ROBO2: variants seen among roughly 807,000 people sequenced by gnomAD.
ROBO2 encodes roundabout guidance receptor 2, also known as roundabout homolog 2.
A neutral mutation model predicts 160.8 loss-of-function variants in ROBO2; 53 were observed. The observed-to-expected ratio is 0.33, with a 90% CI of 0.26 to 0.41. The LOEUF (loss-of-function observed/expected upper bound fraction) is 0.41, where lower values mean the gene tolerates loss of function less well. ROBO2 is among the 10% of genes least tolerant of loss of function. The probability of loss-of-function intolerance (pLI) is 1.00; values close to 1 mark genes in which losing one functional copy is unlikely to be tolerated. For synonymous variants in ROBO2, 664 were observed against 611.7 expected, an observed-to-expected ratio of 1.09 and a Z score of -1.26; for missense variants, 1,577 against 1,722.4, an observed-to-expected ratio of 0.92 and a Z score of 1.49.
chr3:76,062,497 G>A (rs1304503545), intron 2 of ROBO2, among the ~76,000 whole-genome samples: 2 of 152,054 alleles, frequency 1.3e-5, no homozygotes, highest in East Asian at 3.9e-4. Flanking sequence ...TCAAATCCAA[G>A]TTTCTCCCTC....
intron 2 of ROBO2, among the ~76,000 whole-genome samples, chr3:76,918,918 G>A (rs2076491680): frequency 6.6e-6 from 1 of 151,738 alleles, no homozygotes; most frequent in African/African-American, 2.4e-5. Flanking sequence ...CTAATGATCA[G>A]TGATGTTGAG....
chr3:76,152,165 G>A (rs578040218), intron 2 of ROBO2, among the ~76,000 whole-genome samples: 2 of 152,276 alleles, frequency 1.3e-5, no homozygotes, highest in South Asian at 4.1e-4. Context: ...TGATGCCCCA[G>A]GGCTGAACTG....
chr3:77,632,533 A>T, intron 23 of ROBO2: 1 of 1,535,796 alleles, frequency 6.5e-7, no homozygotes, highest in Non-Finnish European at 8.7e-7. Context: ...TTCTAGTCAT[A>T]GATCTAGTGT....
At chr3:77,070,953 C>T (rs1274024016) in intron 1 of ROBO2, among the ~76,000 whole-genome samples, 1 of 152,108 alleles carries the variant, frequency 6.6e-6, no homozygotes, top group African/African-American at 2.4e-5. Context: ...ATTCGATATA[C>T]ACCAGGGTGT....
chr3:76,341,243 A>G (rs2074203058), intron 2 of ROBO2, among the ~76,000 whole-genome samples: 5 of 150,562 alleles, frequency 3.3e-5, no homozygotes, highest in South Asian at 4.2e-4. Context: ...ACCTGCTCAC[A>G]TCACCTTCTA....
intron 2 of ROBO2, among the ~76,000 whole-genome samples, chr3:75,949,625 G>T (rs1376742665): frequency 1.3e-5 from 2 of 151,792 alleles, no homozygotes; most frequent in African/African-American, 2.4e-5. Context: ...CATTAGTATT[G>T]GTGCCCCTGG....
intron 6 of ROBO2, among the ~76,000 whole-genome samples, chr3:77,537,099 T>TGGGGG (rs63352561): frequency 1.2e-4 from 15 of 127,816 alleles, no homozygotes; most frequent in Middle Eastern, 4.1e-3. Context: ...ACATATTTTG[T>TGGGGG]GGGGGGGGGG....
intron 1 of ROBO2, among the ~76,000 whole-genome samples, chr3:77,089,327 A>G (rs1043226274): frequency 2.6e-5 from 4 of 152,152 alleles, no homozygotes; most frequent in African/African-American, 9.7e-5. Context: ...AGGGTTTGTA[A>G]AAGGACCTCT....
intron 2 of ROBO2, among the ~76,000 whole-genome samples, chr3:76,887,149 C>A (rs1050003759): frequency 6.4e-5 from 9 of 141,602 alleles, no homozygotes; most frequent in African/African-American, 2.1e-4. Flanking sequence ...TTGTTATTTG[C>A]TTTTTAATTA....
At chr3:76,745,350 T>G (rs954949597) in intron 2 of ROBO2, among the ~76,000 whole-genome samples, 1 of 151,952 alleles carries the variant, frequency 6.6e-6, no homozygotes, top group South Asian at 2.1e-4. Context: ...CAACAGCTGG[T>G]GTGATTTCAG....
intron 2 of ROBO2, among the ~76,000 whole-genome samples, chr3:76,632,493 A>G (rs1332937699): frequency 6.6e-6 from 1 of 152,218 alleles, no homozygotes; most frequent in Non-Finnish European, 1.5e-5. Flanking sequence ...GGTAAGTTAG[A>G]GCACAATTCT....
chr3:76,578,373 A>G (rs1446751141), intron 2 of ROBO2, among the ~76,000 whole-genome samples: 2 of 152,008 alleles, frequency 1.3e-5, no homozygotes, highest in Non-Finnish European at 2.9e-5. Flanking sequence ...TTCTCAGTCG[A>G]GCTTCCCAAT....
chr3:76,878,067 A>G (rs2072948744), intron 2 of ROBO2, among the ~76,000 whole-genome samples: 1 of 152,188 alleles, frequency 6.6e-6, no homozygotes, highest in South Asian at 2.1e-4. Context: ...CAGTGGCATT[A>G]GGGATTAGAA....
chr3:77,209,472 T>C (rs1262584413), intron 2 of ROBO2, among the ~76,000 whole-genome samples: 1 of 152,168 alleles, frequency 6.6e-6, no homozygotes, highest in Non-Finnish European at 1.5e-5. Context: ...TAAACATAAT[T>C]CATTAGGCAC....
intron 2 of ROBO2, among the ~76,000 whole-genome samples, chr3:77,158,584 T>G (rs543728600): frequency 6.6e-6 from 1 of 152,144 alleles, no homozygotes; most frequent in Non-Finnish European, 1.5e-5. Flanking sequence ...TCTCTAGCTC[T>G]TGCAACTCAA....
chr3:76,334,345 G>C (rs1034294123), intron 2 of ROBO2, among the ~76,000 whole-genome samples: 2 of 151,962 alleles, frequency 1.3e-5, no homozygotes, highest in Non-Finnish European at 2.9e-5. Flanking sequence ...GAAATGCTTG[G>C]GATGTAGAAG....
intron 2 of ROBO2, among the ~76,000 whole-genome samples, chr3:76,218,284 T>C (rs2107379242): frequency 6.6e-6 from 1 of 152,314 alleles, no homozygotes; most frequent in Middle Eastern, 3.4e-3. Flanking sequence ...ACCACTCCTA[T>C]TCCACCTAGT....
intron 6 of ROBO2, among the ~76,000 whole-genome samples, chr3:77,531,704 A>G (rs890704369): frequency 5.3e-5 from 8 of 152,140 alleles, no homozygotes; most frequent in Non-Finnish European, 1.0e-4. Context: ...GGAAAATCAC[A>G]GTTTTTTAAA....
intron 2 of ROBO2, among the ~76,000 whole-genome samples, chr3:77,216,118 G>A (rs2084906159): frequency 6.6e-6 from 1 of 152,190 alleles, no homozygotes; most frequent in Non-Finnish European, 1.5e-5. Context: ...GTCAGACAGG[G>A]ACATTTAAGT....
Sources: allele counts gnomAD v4.1 joint callset (sites outside exome capture counted in the v4.1 genomes callset), GRCh38; gene constraint gnomAD v4.1.1; transcripts MANE v1.5; gene names NCBI Gene and HGNC (gene_info 2026-07-23, HGNC 2026-07-21).